RNF175: variants seen among roughly 807,000 people sequenced by gnomAD.
The protein encoded by RNF175 is ring finger protein 175.
In RNF175, 38 loss-of-function variants were observed where a neutral mutation model predicts 50.0. That is an observed-to-expected ratio of 0.76 (90% confidence interval 0.59 to 1.00). The LOEUF is 1.00. RNF175 is among the 50% of genes least tolerant of loss of function. RNF175 has a pLI of 0.00. For missense variants in RNF175, 388 were observed against 409.6 expected (o/e 0.95, Z 0.46); for synonymous variants, 155 against 146.1 (o/e 1.06, Z -0.44).
intron 3 of RNF175, chr4:153,748,437 T>G (rs1740095452): frequency 4.6e-6 from 2 of 438,934 alleles, no homozygotes; most frequent in East Asian, 3.8e-5. Flanking sequence ...CCTCCCCCTT[T>G]TCACCCCCCA....
intron 4 of RNF175, among the ~76,000 whole-genome samples, chr4:153,726,304 C>G (rs1738696757): frequency 1.3e-5 from 2 of 152,088 alleles, no homozygotes; most frequent in South Asian, 4.2e-4. Context: ...AGGACTTCAC[C>G]ATGTTTGCCA....
chr4:153,759,910 G>A lies in RNF175; in HGVS notation c.-48C>T, dbSNP rs753893652. On this transcript the variant is annotated 5_prime_UTR_variant, in exon 1 of 9. Coordinates refer to ENST00000347063, the MANE Select transcript of RNF175 (RefSeq NM_173662.4). ...CAGGGCACAGCGCCTGCCGGGGAGG[G>A]TCCCGCAGAGTCCGCAGAAGGAGGC... 45 of 1,146,834 alleles carry A rather than the reference G, an allele frequency of 3.9e-5. No homozygotes were observed. Among genetic ancestry groups the A allele is most frequent in the Non-Finnish European group, 5.0e-5 (44 of 885,966 alleles). The allele number at this position is 1,146,834 out of a possible 1,614,324, so 71.0% of individuals were successfully genotyped here. A position where few individuals can be genotyped will look rare whatever the true frequency, so the allele number is the denominator to read the frequency against.
chr4:153,751,581 C>A, intron 1 of RNF175, 106 bp from the exon 2 acceptor site: 1 of 756,846 alleles, frequency 1.3e-6, no homozygotes, highest in Non-Finnish European at 2.2e-6. Context: ...AACAATGTCA[C>A]ATAGTATTTG....
intron 3 of RNF175, among the ~76,000 whole-genome samples, chr4:153,730,881 A>G (rs895878867): frequency 1.3e-5 from 2 of 152,196 alleles, no homozygotes; most frequent in East Asian, 3.8e-4. Flanking sequence ...CTGTAAATCC[A>G]TAAGTATGAA....
intron 7 of RNF175, chr4:153,714,124 C>A (rs1185646955): frequency 3.3e-5 from 5 of 152,170 alleles, no homozygotes; most frequent in Non-Finnish European, 7.4e-5. Context: ...ACATGTACAA[C>A]AATCCCTAAG....
In RNF175 at chr4:153,712,504, T is replaced by A. The variant is rs575854373; in HGVS notation, c.837A>T (p.Lys279Asn). ...TACTGATCATCCTCTTCAAATCAAC[T>A]TTCTCTTTGCAGTAAGGGCAAGTCT... ...KKQTCPYCKE[K>N]VDLKRMISNP... Residue 279 changes from lysine to asparagine, a missense_variant, in exon 8 of 9, where the codon AAA (lysine) becomes AAT (asparagine). Physicochemically the swap from Lys to Asn is moderately conservative, Grantham distance 94 (BLOSUM62 0). Coordinates refer to ENST00000347063, the MANE Select transcript of RNF175 (RefSeq NM_173662.4). 4.3e-6 allele frequency: 7 copies of A among 1,610,844 alleles called. No individual in the cohort carries two copies. In the South Asian group the frequency reaches 7.7e-5, roughly 18 times the overall value.
At chr4:153,718,169 T>C (rs1332200423) in intron 6 of RNF175, among the ~76,000 whole-genome samples, 4 of 151,274 alleles carry the variant, frequency 2.6e-5, no homozygotes, top group Non-Finnish European at 5.9e-5. Flanking sequence ...ATTCACCCCA[T>C]GGTTTTGGAT....
chr4:153,754,556 A>G (rs906162051), intron 1 of RNF175, among the ~76,000 whole-genome samples: 1 of 152,112 alleles, frequency 6.6e-6, no homozygotes, highest in Non-Finnish European at 1.5e-5. Flanking sequence ...CTCCCAAAAG[A>G]TATGTTTGAG....
At position 153,743,240 on chromosome 4, in the gene RNF175, A is replaced by T. The variant is rs192231925; in HGVS notation, c.246+5405T>A. Among the ~76,000 whole-genome samples the T allele has an allele frequency of 3.9e-3, 601 of 152,324 alleles. 14 individuals are homozygous for T. The highest frequency in any genetic ancestry group is 0.037 in the Admixed American group (571 of 15,294). On this transcript the variant is annotated intron_variant, in intron 3 of 8. Transcript: ENST00000347063. ...TGCAGACATCACCAAGAGTGGCTGA[A>T]ATGGCTGTGCTCTGATGACCACTCT... is the stretch of plus-strand genomic sequence containing the variant.
intron 6 of RNF175, among the ~76,000 whole-genome samples, chr4:153,716,600 A>C (rs1159208345): frequency 6.6e-6 from 1 of 152,170 alleles, no homozygotes; most frequent in African/African-American, 2.4e-5. Flanking sequence ...TTTTAGATTT[A>C]AAGAAAAGAT....
At chr4:153,730,968 C>T (rs1739000593) in intron 3 of RNF175, among the ~76,000 whole-genome samples, 2 of 152,154 alleles carry the variant, frequency 1.3e-5, no homozygotes, top group South Asian at 4.1e-4. Flanking sequence ...AATGTACAGA[C>T]ATTGTACTTT....
rs756959625 is a variant in RNF175 at position 153,710,475 on chromosome 4, T to C, written c.881A>G (p.His294Arg). The change falls in exon 9 of 9, where the codon CAT becomes CGT. Residue 294 changes from histidine (H) to arginine (R), a missense_variant. Transcript: ENST00000347063. ...RMISNPWERTHFLYGQILDWL... is the reference protein window; with the variant it reads ...RMISNPWERTRFLYGQILDWL... ...ATCCAGGATTTGTCCATACAGAAAA[T>C]GTGTGCGCTCCCAGCTAAATCTCAG... is the stretch of plus-strand genomic sequence containing the variant. 2 of 1,608,764 alleles carry C rather than the reference T, an allele frequency of 1.2e-6. No homozygotes were observed. The highest frequency in any genetic ancestry group is 1.1e-5 in the South Asian group (1 of 89,612).
chr4:153,734,588 T>G, intron 3 of RNF175, among the ~76,000 whole-genome samples: 1 of 152,002 alleles, frequency 6.6e-6, no homozygotes, highest in Non-Finnish European at 1.5e-5. Context: ...GAGTTTTAAG[T>G]ATATTTTGGA....
chr4:153,752,312 T>C (rs1740335224), intron 1 of RNF175, among the ~76,000 whole-genome samples: 1 of 152,206 alleles, frequency 6.6e-6, no homozygotes, highest in Admixed American at 6.5e-5. Context: ...GCACCTTGAC[T>C]ACCTGAGGCT....
chr4:153,719,866 T>A (rs1481179805), intron 6 of RNF175, among the ~76,000 whole-genome samples: 2 of 152,228 alleles, frequency 1.3e-5, no homozygotes, highest in African/African-American at 4.8e-5. Flanking sequence ...GTTTTACTAA[T>A]CCTTAAATGT....
intron 4 of RNF175, among the ~76,000 whole-genome samples, chr4:153,727,144 A>G (rs573422534): frequency 6.6e-6 from 1 of 152,222 alleles, no homozygotes; most frequent in Non-Finnish European, 1.5e-5. Flanking sequence ...AACTCAGAGC[A>G]CTTTCACAAA....
chr4:153,750,498 G>A (rs1051614855), intron 2 of RNF175, among the ~76,000 whole-genome samples: 2 of 152,212 alleles, frequency 1.3e-5, no homozygotes, highest in African/African-American at 4.8e-5. Context: ...CAGAATGTCA[G>A]TGCTGGAAGT....
chr4:153,729,045 T>C (rs115388795), intron 3 of RNF175, among the ~76,000 whole-genome samples: 355 of 152,194 alleles, frequency 2.3e-3, no homozygotes, highest in African/African-American at 8.1e-3. Flanking sequence ...CAGGGCAGAG[T>C]GAACTGACTG....
rs35531787 is a variant in RNF175, at chr4:153,716,063, CAAA to C, written c.631-404_631-402del. Among the ~76,000 whole-genome samples the C allele has an allele frequency of 2.1e-4, 20 of 94,204 alleles. No homozygotes were observed. The East Asian group carries it at 2.5e-3, about 12-fold the overall frequency. The allele number at this position is 94,204 out of a possible 152,430, so 61.8% of individuals were successfully genotyped here. On this transcript the variant is annotated intron_variant, in intron 6 of 8. Coordinates refer to ENST00000347063, the MANE Select transcript of RNF175 (RefSeq NM_173662.4). ...TGGGTGACAGAGCAAGACTCTGTCT[CAAA>C]AAAAAAAAAAAAAAAAAAAAGAATC...
Sources: allele counts gnomAD v4.1 joint callset (sites outside exome capture counted in the v4.1 genomes callset), GRCh38; gene constraint gnomAD v4.1.1; transcripts MANE v1.5; gene names NCBI Gene and HGNC (gene_info 2026-07-23, HGNC 2026-07-21).